The following HDAC9 variants were observed in gnomAD, a reference collection of about 807,000 sequenced individuals.
HDAC9 encodes MEF-2 interacting transcription repressor (MITR) protein.
In HDAC9, 41 loss-of-function variants were observed where a neutral mutation model predicts 139.4. That is an observed-to-expected ratio of 0.29 (90% CI 0.23 to 0.38). The LOEUF (loss-of-function observed/expected upper bound fraction) is 0.38. Ranked by LOEUF, HDAC9 falls within the 10% of genes least tolerant of loss-of-function variation. The pLI is 1.00. For missense variants in HDAC9, 1,147 were observed against 1,297.0 expected, an observed-to-expected ratio of 0.88 and a Z score of 1.78; for synonymous variants, 517 against 476.2, an observed-to-expected ratio of 1.09 and a Z score of -1.12.
intron 2 of HDAC9, among the ~76,000 whole-genome samples, chr7:18,173,309 A>C (rs897922295): frequency 4.6e-5 from 7 of 152,086 alleles, no homozygotes; most frequent in Non-Finnish European, 7.4e-5. Context: ...TGCTTGGTAG[A>C]TCTTCCTCCA....
intron 1 of HDAC9, among the ~76,000 whole-genome samples, chr7:18,314,533 G>C (rs916032707): frequency 6.6e-6 from 1 of 152,198 alleles, no homozygotes; most frequent in Non-Finnish European, 1.5e-5. Flanking sequence ...TTTTATCTCT[G>C]TTGGTGCATT....
chr7:18,845,625 C>G (rs1295320916), intron 21 of HDAC9, among the ~76,000 whole-genome samples: 1 of 152,022 alleles, frequency 6.6e-6, no homozygotes, highest in Non-Finnish European at 1.5e-5. Context: ...TTAAGAACAA[C>G]AGAAGCAGAG....
At chr7:18,248,195 C>A (rs1306780521) in intron 2 of HDAC9, among the ~76,000 whole-genome samples, 1 of 152,106 alleles carries the variant, frequency 6.6e-6, no homozygotes, top group Non-Finnish European at 1.5e-5. Context: ...ATTAAGAAAG[C>A]AATTGCAGAT....
chr7:18,838,245 G>A (rs1441998394), intron 21 of HDAC9, among the ~76,000 whole-genome samples: 5 of 151,944 alleles, frequency 3.3e-5, no homozygotes, highest in Admixed American at 2.0e-4. Flanking sequence ...TTACTTTCAG[G>A]GATCATAATA....
chr7:18,164,661 C>G (rs1227329213), intron 2 of HDAC9, among the ~76,000 whole-genome samples: 1 of 152,216 alleles, frequency 6.6e-6, no homozygotes, highest in Non-Finnish European at 1.5e-5. Context: ...TAGAAACGTT[C>G]TCCATCCATA....
chr7:18,411,914 C>T (rs1016350595), intron 1 of HDAC9, among the ~76,000 whole-genome samples: 1 of 150,644 alleles, frequency 6.6e-6, no homozygotes, highest in African/African-American at 2.4e-5. Context: ...CATCCTCCAC[C>T]TCCCGGGTTC....
chr7:18,442,704 A>G (rs970139004), intron 1 of HDAC9, among the ~76,000 whole-genome samples: 4 of 152,082 alleles, frequency 2.6e-5, no homozygotes, highest in East Asian at 3.8e-4. Flanking sequence ...TACAATATCT[A>G]TTTGTAATTC....
At chr7:18,979,186 G>T (rs751551698) in intron 25 of HDAC9, among the ~76,000 whole-genome samples, 17 of 151,784 alleles carry the variant, frequency 1.1e-4, no homozygotes, top group Non-Finnish European at 2.4e-4. Context: ...TTGTTTTTTG[G>T]GTAACTATCT....
chr7:18,188,100 A>G lies in HDAC9; in HGVS notation c.25+25751A>G, dbSNP rs1239791284. On this transcript the variant is annotated intron_variant, in intron 2 of 12. Transcript: ENST00000417496. ...ATCATGCTACCTGATTTCAAACTAT[A>G]CTACAAGTCTACAGTAACCAAAACA... Among the ~76,000 whole-genome samples, 3 of 152,232 alleles carry G rather than the reference A, an allele frequency of 2.0e-5. No homozygotes were observed. In the East Asian group the frequency reaches 5.8e-4, roughly 29 times the overall value.
At chr7:18,299,029 C>T (rs1798344947) in intron 1 of HDAC9, among the ~76,000 whole-genome samples, 1 of 151,722 alleles carries the variant, frequency 6.6e-6, no homozygotes, top group Admixed American at 6.6e-5. Context: ...CTTGAGTTTC[C>T]AAATGAATAA....
intron 2 of HDAC9, among the ~76,000 whole-genome samples, chr7:18,239,332 C>T (rs1388355771): frequency 6.6e-6 from 1 of 152,126 alleles, no homozygotes; most frequent in Non-Finnish European, 1.5e-5. Context: ...GAATATCAAC[C>T]ACCAGCACCC....
chr7:18,648,374 G>T (rs1036945385), intron 10 of HDAC9, 92 bp from the exon 11 acceptor site: 10 of 1,081,684 alleles, frequency 9.2e-6, no homozygotes, highest in Non-Finnish European at 1.2e-5. Flanking sequence ...TGTTTTCTTT[G>T]GCTTCTTATC....
chr7:18,949,934 A>C (rs1782677254), intron 23 of HDAC9, among the ~76,000 whole-genome samples: 1 of 152,070 alleles, frequency 6.6e-6, no homozygotes, highest in Admixed American at 6.6e-5. Context: ...CATAATTTAC[A>C]AAAGCATTAA....
intron 2 of HDAC9, among the ~76,000 whole-genome samples, chr7:18,560,065 T>G (rs1005264481): frequency 6.6e-6 from 1 of 152,218 alleles, no homozygotes; most frequent in African/African-American, 2.4e-5. Flanking sequence ...TAGTCATGTT[T>G]CTCTTTCCAA....
At chr7:18,416,143 A>C (rs957711813) in intron 1 of HDAC9, among the ~76,000 whole-genome samples, 8 of 152,072 alleles carry the variant, frequency 5.3e-5, no homozygotes, top group Admixed American at 2.0e-4. Context: ...CTAAAAATAC[A>C]AAATTAGCCG....
chr7:18,200,434 G>T (rs1791034405), intron 2 of HDAC9, among the ~76,000 whole-genome samples: 2 of 152,124 alleles, frequency 1.3e-5, no homozygotes, highest in Non-Finnish European at 2.9e-5. Context: ...ATCTTCCAGT[G>T]AAAGCTTCAT....
intron 1 of HDAC9, among the ~76,000 whole-genome samples, chr7:18,398,574 G>A (rs1787262803): frequency 2.0e-5 from 3 of 152,086 alleles, no homozygotes; most frequent in Admixed American, 2.0e-4. Flanking sequence ...GATTGGACAA[G>A]TGGAAAGATA....
chr7:18,504,373 T>G (rs1355395180), intron 2 of HDAC9, among the ~76,000 whole-genome samples: 2 of 152,226 alleles, frequency 1.3e-5, no homozygotes, highest in African/African-American at 4.8e-5. Context: ...TGGTATGATC[T>G]TGGCTCACTG....
chr7:18,275,247 A>C (rs939373175), intron 2 of HDAC9, among the ~76,000 whole-genome samples: 7 of 152,178 alleles, frequency 4.6e-5, no homozygotes, highest in Non-Finnish European at 2.9e-5. Flanking sequence ...CTGTACCTTC[A>C]ATACATAAGG....
Sources: gnomAD v4.1 joint callset for allele counts (sites outside exome capture counted in the v4.1 genomes callset) on GRCh38, gnomAD v4.1.1 for gene constraint, MANE v1.5 for transcripts, NCBI Gene and HGNC (gene_info 2026-07-23, HGNC 2026-07-21) for gene names.